ANO10: variants seen among roughly 807,000 people sequenced by gnomAD.
ANO10 encodes anoctamin-10.
A neutral mutation model predicts 74.7 loss-of-function variants in ANO10; 77 were observed. That is an observed-to-expected ratio of 1.03 (90% CI 0.86 to 1.25). ANO10 has a LOEUF of 1.25. Ranked by LOEUF, ANO10 falls within the 50% of genes most tolerant of loss-of-function variation. ANO10 has a pLI of 0.00. For synonymous variants in ANO10, 279 were observed against 284.9 expected, an observed-to-expected ratio of 0.98 and a Z score of 0.21; for missense variants, 721 against 778.1, an observed-to-expected ratio of 0.93 and a Z score of 0.87.
At chr3:43,674,307 T>C (rs1267987310) in intron 1 of ANO10, among the ~76,000 whole-genome samples, 1 of 152,192 alleles carries the variant, frequency 6.6e-6, no homozygotes, top group African/African-American at 2.4e-5. Context: ...ACACAGCTAA[T>C]TGTTTACTTA....
At chr3:43,531,292 T>C (rs1049406418) in intron 11 of ANO10, among the ~76,000 whole-genome samples, 1 of 152,238 alleles carries the variant, frequency 6.6e-6, no homozygotes, top group Non-Finnish European at 1.5e-5. Context: ...TTACACGTTC[T>C]GGCTTAATCT....
At chr3:43,550,626 T>C (rs940604667) in intron 10 of ANO10, among the ~76,000 whole-genome samples, 1 of 152,178 alleles carries the variant, frequency 6.6e-6, no homozygotes, top group African/African-American at 2.4e-5. Context: ...TATGAATACA[T>C]TTTGTCCCAT....
intron 1 of ANO10, among the ~76,000 whole-genome samples, chr3:43,628,681 G>A (rs909325062): frequency 1.3e-5 from 2 of 152,170 alleles, no homozygotes; most frequent in African/African-American, 4.8e-5. Context: ...CTGGGAAAGA[G>A]AATATGCACT....
intron 12 of ANO10, chr3:43,372,863 G>T: frequency 6.5e-7 from 1 of 1,534,754 alleles, no homozygotes; most frequent in South Asian, 1.2e-5. Context: ...GTAGCAGCCA[G>T]AGAAATTCTA....
intron 12 of ANO10, among the ~76,000 whole-genome samples, chr3:43,383,205 G>A (rs900491366): frequency 6.6e-6 from 1 of 152,124 alleles, no homozygotes; most frequent in Admixed American, 6.5e-5. Context: ...TGTAATCCCA[G>A]CACTTTGGGA....
At chr3:43,642,743 ATT>A in intron 1 of ANO10, among the ~76,000 whole-genome samples, 1 of 152,010 alleles carries the variant, frequency 6.6e-6, no homozygotes, top group South Asian at 2.1e-4. Context: ...ACCTAAATAT[ATT>A]CTTATTCCTC....
chr3:43,635,737 A>G (rs2083602309), intron 1 of ANO10, among the ~76,000 whole-genome samples: 2 of 151,286 alleles, frequency 1.3e-5, no homozygotes, highest in Middle Eastern at 3.4e-3. Flanking sequence ...CTCCTGCCTT[A>G]GCCTCCCAAG....
At chr3:43,530,454 T>C (rs1052975828) in intron 11 of ANO10, among the ~76,000 whole-genome samples, 5 of 149,308 alleles carry the variant, frequency 3.3e-5, no homozygotes, top group African/African-American at 1.2e-4. Flanking sequence ...TTATATATGG[T>C]ATATATAAAC....
At chr3:43,625,253 T>C (rs566355726), upstream of ANO10, among the ~76,000 whole-genome samples, 3 of 152,374 alleles carry the variant, frequency 2.0e-5, no homozygotes, top group African/African-American at 7.2e-5. Flanking sequence ...TGTGGCTACA[T>C]GGTCCGGCTT....
intron 11 of ANO10, among the ~76,000 whole-genome samples, chr3:43,540,874 C>A (rs1406898886): frequency 6.6e-6 from 1 of 152,156 alleles, no homozygotes; most frequent in African/African-American, 2.4e-5. Flanking sequence ...CATAGTAATG[C>A]CTAGCATATT....
In ANO10 at chr3:43,375,059, T is replaced by G. The variant is rs1162031332; in HGVS notation, c.1915-8085A>C. On this transcript the variant is annotated intron_variant, in intron 12 of 12. Coordinates refer to ENST00000292246, the MANE Select transcript of ANO10 (RefSeq NM_018075.5). The stretch of plus-strand genomic sequence containing the variant: ...CCACATGAACCCGGGAGGCGGAGGG[T>G]GCAGTGAGCCGAGATTGCGCCACTA... Among the ~76,000 whole-genome samples, 78 of 146,290 alleles carry G rather than the reference T, an allele frequency of 5.3e-4. 1 individual carries two copies. Among genetic ancestry groups the G allele is most frequent in the African/African-American group, 1.9e-3 (73 of 39,364 alleles).
At chr3:43,412,829 T>C (rs1244501411) in intron 12 of ANO10, among the ~76,000 whole-genome samples, 1 of 152,142 alleles carries the variant, frequency 6.6e-6, no homozygotes, top group African/African-American at 2.4e-5. Context: ...GGCAGGAGGA[T>C]CACTTGAGGT....
intron 11 of ANO10, among the ~76,000 whole-genome samples, chr3:43,467,978 T>A (rs2075697610): frequency 1.3e-5 from 2 of 152,186 alleles, no homozygotes; most frequent in South Asian, 4.1e-4. Context: ...TTCATCACAG[T>A]GATGGAGTTC....
chr3:43,425,988 C>T (rs185342838), intron 12 of ANO10, among the ~76,000 whole-genome samples: 103 of 152,288 alleles, frequency 6.8e-4, no homozygotes, highest in African/African-American at 2.2e-3. Context: ...TTGGCTTCCA[C>T]AAACCCCTTT....
At chr3:43,412,711 CT>C (rs1316919866) in intron 12 of ANO10, among the ~76,000 whole-genome samples, 1 of 152,210 alleles carries the variant, frequency 6.6e-6, no homozygotes, top group African/African-American at 2.4e-5. Context: ...CAAAAAAAAT[CT>C]TCTCTATGGT....
chr3:43,638,221 A>C (rs1304415938), intron 1 of ANO10, among the ~76,000 whole-genome samples: 1 of 152,242 alleles, frequency 6.6e-6, no homozygotes, highest in Non-Finnish European at 1.5e-5. Flanking sequence ...TTGCATTACA[A>C]TTGAAGAGAT....
intron 1 of ANO10, among the ~76,000 whole-genome samples, chr3:43,663,805 C>T (rs187521264): frequency 6.6e-6 from 1 of 152,108 alleles, no homozygotes; most frequent in Admixed American, 6.6e-5. Context: ...AATAAAATAC[C>T]TAAGAATACA....
At chr3:43,404,468 C>G (rs1274376690) in intron 12 of ANO10, among the ~76,000 whole-genome samples, 2 of 152,126 alleles carry the variant, frequency 1.3e-5, no homozygotes, top group East Asian at 3.9e-4. Context: ...CTACTAAGAC[C>G]CTGAGCAGGG....
chr3:43,638,459 A>T (rs1162287687), intron 1 of ANO10, among the ~76,000 whole-genome samples: 1 of 152,252 alleles, frequency 6.6e-6, no homozygotes, highest in Non-Finnish European at 1.5e-5. Context: ...CAATAAATGC[A>T]TATAATGTTG....
Sources: gnomAD v4.1 joint callset for allele counts (sites outside exome capture counted in the v4.1 genomes callset) on GRCh38, gnomAD v4.1.1 for gene constraint, MANE v1.5 for transcripts, NCBI Gene and HGNC (gene_info 2026-07-23, HGNC 2026-07-21) for gene names.